CTNNA1: variants seen among roughly 807,000 people sequenced by gnomAD.
CTNNA1 encodes the protein catenin alpha-1.
In CTNNA1, 37 loss-of-function variants were observed where a neutral mutation model predicts 98.4. The observed-to-expected ratio is 0.38, with a 90% CI of 0.29 to 0.49. The LOEUF (loss-of-function observed/expected upper bound fraction) is 0.49. Ranked by LOEUF, CTNNA1 falls within the 20% of genes least tolerant of loss-of-function variation. The pLI, the probability that CTNNA1 is intolerant of heterozygous loss-of-function variation, is 0.95. For missense variants in CTNNA1, 761 were observed against 1,147.2 expected, an observed-to-expected ratio of 0.66 and a Z score of 4.86; for synonymous variants, 404 against 413.2, an observed-to-expected ratio of 0.98 and a Z score of 0.27.
chr5:138,934,140 A>G lies in CTNNA1; in HGVS notation c.*51A>G, dbSNP rs772531576. The G allele has an allele frequency of 7.3e-7, 1 of 1,370,672 alleles. No homozygotes were observed. Among genetic ancestry groups the G allele is most frequent in the East Asian group, 2.3e-5 (1 of 43,632 alleles). 84.9% of individuals were successfully genotyped at this position (1,370,672 alleles called of 1,614,324 possible). A position where few individuals can be genotyped will look rare whatever the true frequency, so the allele number is the denominator to read the frequency against. The stretch of plus-strand genomic sequence containing the variant: ...CCCTCGGGGCTCCTGAATATCAGTC[A>G]CTGTTCGTCACTCAAATGAATTTGC... On this transcript the variant is annotated 3_prime_UTR_variant, in exon 18 of 18. Coordinates refer to ENST00000302763, the MANE Select transcript of CTNNA1 (RefSeq NM_001903.5).
chr5:138,773,754 A>T (rs1753799999), intron 1 of CTNNA1, among the ~76,000 whole-genome samples: 1 of 150,832 alleles, frequency 6.6e-6, no homozygotes, highest in African/African-American at 2.4e-5. Flanking sequence ...TCTGTTGCCC[A>T]GGCTGGAGTA....
intron 7 of CTNNA1, among the ~76,000 whole-genome samples, chr5:138,830,830 T>A (rs891536141): frequency 6.6e-6 from 1 of 152,188 alleles, no homozygotes; most frequent in African/African-American, 2.4e-5. Flanking sequence ...AGTGTCATCA[T>A]AGGTACAGCC....
chr5:138,806,244 C>T (rs967043753), intron 3 of CTNNA1, among the ~76,000 whole-genome samples: 2 of 152,004 alleles, frequency 1.3e-5, no homozygotes, highest in African/African-American at 2.4e-5. Flanking sequence ...GACCAGTTTT[C>T]TCTTACAAGT....
intron 5 of CTNNA1, among the ~76,000 whole-genome samples, chr5:138,820,017 T>A: frequency 6.6e-6 from 1 of 151,722 alleles, no homozygotes. Flanking sequence ...GTAAGATTCC[T>A]GAACCACCCA....
chr5:138,906,196 C>CTG (rs1759221393), intron 10 of CTNNA1, among the ~76,000 whole-genome samples: 1 of 152,142 alleles, frequency 6.6e-6, no homozygotes, highest in South Asian at 2.1e-4. Flanking sequence ...CTTAATATTA[C>CTG]TGTGATGGAC....
intron 1 of CTNNA1, among the ~76,000 whole-genome samples, chr5:138,758,097 C>G (rs1219793811): frequency 6.6e-6 from 1 of 152,094 alleles, no homozygotes; most frequent in Non-Finnish European, 1.5e-5. Context: ...ACCTCTGTCT[C>G]CTGGGTTCAA....
rs55698183 is a variant in CTNNA1 at position 138,799,857 on chromosome 5, GATGT to G, written c.302-10148_302-10145del. ...GCTAAAATAAATTAGAGTAGATGTA[GATGT>G]ATGTATGTATGTATGTATGTATGTA... On this transcript the variant is annotated intron_variant, in intron 3 of 17. Transcript: ENST00000302763. Among the ~76,000 whole-genome samples, 182 of 149,130 alleles carry G rather than the reference GATGT, an allele frequency of 1.2e-3. 1 individual carries two copies. The highest frequency in any genetic ancestry group is 3.2e-3 in the East Asian group (16 of 5,042).
chr5:138,838,058 G>A (rs1449504838), intron 7 of CTNNA1, among the ~76,000 whole-genome samples: 3 of 152,190 alleles, frequency 2.0e-5, no homozygotes, highest in African/African-American at 7.2e-5. Context: ...GCACTGCCAT[G>A]TCTGGCTAAG....
chr5:138,917,089 C>T (rs1761964297), intron 10 of CTNNA1, among the ~76,000 whole-genome samples: 1 of 152,200 alleles, frequency 6.6e-6, no homozygotes, highest in Non-Finnish European at 1.5e-5. Context: ...TATTTTTAAA[C>T]CTTAATAGAT....
chr5:138,790,784 G>C (rs768976270), intron 3 of CTNNA1: 8 of 152,224 alleles, frequency 5.3e-5, no homozygotes, highest in Non-Finnish European at 1.0e-4. Context: ...AGGTGATTGA[G>C]TGCTGCTGAA....
intron 1 of CTNNA1, among the ~76,000 whole-genome samples, chr5:138,770,399 G>A (rs988446070): frequency 6.6e-6 from 1 of 152,134 alleles, no homozygotes; most frequent in South Asian, 2.1e-4. Flanking sequence ...ACTATAATAC[G>A]ATGGAAGCTG....
At chr5:138,840,574 A>G (rs1762190416) in intron 7 of CTNNA1, among the ~76,000 whole-genome samples, 1 of 152,208 alleles carries the variant, frequency 6.6e-6, no homozygotes, top group South Asian at 2.1e-4. Context: ...ATAATAAAAA[A>G]TCGATTTATT....
At chr5:138,819,948 T>C (rs1759856382) in intron 5 of CTNNA1, among the ~76,000 whole-genome samples, 1 of 152,098 alleles carries the variant, frequency 6.6e-6, no homozygotes, top group Middle Eastern at 3.4e-3. Context: ...CTTTGCTCTC[T>C]TCCTCCTGCT....
At position 138,873,395 on chromosome 5, in the gene CTNNA1, C is replaced by G. The variant is rs1750887642; in HGVS notation, c.1063-12817C>G. The G allele has an allele frequency of 6.2e-7, 1 of 1,613,894 alleles. No individual in the cohort carries two copies. The highest frequency in any genetic ancestry group is 1.3e-5 in the African/African-American group (1 of 74,924). The stretch of plus-strand genomic sequence containing the variant: ...GATTTCTTTGTCTCCCACATGGTAA[C>G]TTGATGAGCTTATTCTTTTTGTATA... On this transcript the variant is annotated intron_variant, in intron 7 of 17. Coordinates refer to ENST00000302763, the MANE Select transcript of CTNNA1 (RefSeq NM_001903.5). The surrounding 1 kb of genome is among the most constrained non-coding windows in gnomAD (Gnocchi z 6.1).
chr5:138,785,824 C>T (rs1755641034), intron 3 of CTNNA1, among the ~76,000 whole-genome samples: 1 of 152,120 alleles, frequency 6.6e-6, no homozygotes, highest in Non-Finnish European at 1.5e-5. Context: ...GAACTCCTGA[C>T]CTCAAGTGAT....
intron 9 of CTNNA1, among the ~76,000 whole-genome samples, chr5:138,903,623 G>A (rs1227763739): frequency 1.3e-5 from 2 of 152,224 alleles, no homozygotes; most frequent in African/African-American, 4.8e-5. Flanking sequence ...GGCCACGTGA[G>A]CTGTATCATT....
chr5:138,781,389 A>G (rs370543520), intron 1 of CTNNA1, among the ~76,000 whole-genome samples: 2 of 152,088 alleles, frequency 1.3e-5, no homozygotes, highest in African/African-American at 4.8e-5. Flanking sequence ...CCCCGTCTCT[A>G]CTAAAAATGC....
intron 7 of CTNNA1, among the ~76,000 whole-genome samples, chr5:138,858,527 T>G (rs1763937704): frequency 2.0e-5 from 3 of 152,062 alleles, no homozygotes; most frequent in Admixed American, 2.0e-4. Flanking sequence ...AACCCAAGCC[T>G]CTATCAAGAT....
At chr5:138,809,269 T>A (rs898970048) in intron 3 of CTNNA1, among the ~76,000 whole-genome samples, 16 of 152,232 alleles carry the variant, frequency 1.1e-4, no homozygotes, top group African/African-American at 3.9e-4. Context: ...TACCTCTTCA[T>A]TATAGAAACT....
Sources: gnomAD v4.1 joint callset for allele counts (sites outside exome capture counted in the v4.1 genomes callset) on GRCh38, gnomAD v4.1.1 for gene constraint, Gnocchi (gnomAD v3.1) non-coding constraint, MANE v1.5 for transcripts, NCBI Gene and HGNC (gene_info 2026-07-23, HGNC 2026-07-21) for gene names.